SLC41A2: variants seen among roughly 807,000 people sequenced by gnomAD.
The protein encoded by SLC41A2 is solute carrier family 41 member 2.
Under a neutral mutation model 58.3 loss-of-function variants are expected in SLC41A2, and 32 were observed. The ratio of observed to expected loss-of-function variants is 0.55; its 90% CI spans 0.41 to 0.74. The LOEUF (loss-of-function observed/expected upper bound fraction) is 0.74. Ranked by LOEUF, SLC41A2 falls within the 30% of genes least tolerant of loss-of-function variation. The pLI is 0.00. For missense variants in SLC41A2, 514 were observed against 680.6 expected (o/e 0.76, Z 2.72); for synonymous variants, 190 against 235.0 (o/e 0.81, Z 1.75).
At chr12:104,913,345 C>T (rs190480172) in intron 2 of SLC41A2, among the ~76,000 whole-genome samples, 1 of 152,272 alleles carries the variant, frequency 6.6e-6, no homozygotes, top group Admixed American at 6.5e-5. Context: ...TGCCATTAGG[C>T]TTTCTTCCCT....
chr12:104,928,963 G>A (rs772930762), intron 1 of SLC41A2, among the ~76,000 whole-genome samples: 11 of 152,112 alleles, frequency 7.2e-5, no homozygotes, highest in Non-Finnish European at 1.3e-4. Flanking sequence ...CAATATCCAC[G>A]TAAGGTCTTC....
chr12:104,910,585 C>T (rs564145786), intron 2 of SLC41A2, among the ~76,000 whole-genome samples: 2 of 152,140 alleles, frequency 1.3e-5, no homozygotes, highest in African/African-American at 2.4e-5. Context: ...TAAAATCTAG[C>T]TTAGGCCATA....
chr12:104,847,853 GA>G (rs2042664133), intron 8 of SLC41A2, among the ~76,000 whole-genome samples: 1 of 152,076 alleles, frequency 6.6e-6, no homozygotes, highest in African/African-American at 2.4e-5. Context: ...ACATTGATGA[GA>G]AAAAAGTTGG....
At position 104,885,525 on chromosome 12, in the gene SLC41A2, C is replaced by T. The variant is rs1323880417; in HGVS notation, c.1027+768G>A. Among the ~76,000 whole-genome samples, 4 of 152,158 alleles carry T rather than the reference C, an allele frequency of 2.6e-5. No individual in the cohort carries two copies. In the East Asian group the frequency reaches 7.7e-4, roughly 29 times the overall value. ...TTTGTGAATAAATGTTTGCCTCTGGCTTGGCTTATATACTCATGTTTTTTT... is the reference window on the plus strand; with the variant it reads ...TTTGTGAATAAATGTTTGCCTCTGGTTTGGCTTATATACTCATGTTTTTTT... On this transcript the variant is annotated intron_variant, in intron 6 of 10. Transcript: ENST00000258538.
chr12:104,907,886 C>T (rs1192473220), intron 3 of SLC41A2, among the ~76,000 whole-genome samples: 1 of 152,160 alleles, frequency 6.6e-6, no homozygotes, highest in Non-Finnish European at 1.5e-5. Context: ...TTGTCCTCTG[C>T]AGATATAGCT....
chr12:104,911,769 C>T (rs2046096930), intron 2 of SLC41A2, among the ~76,000 whole-genome samples: 1 of 152,088 alleles, frequency 6.6e-6, no homozygotes, highest in Non-Finnish European at 1.5e-5. Flanking sequence ...CAAGGGAAAT[C>T]CCTCTAATTG....
At chr12:104,848,596 G>A (rs1565837976) in intron 8 of SLC41A2, among the ~76,000 whole-genome samples, 1 of 152,020 alleles carries the variant, frequency 6.6e-6, no homozygotes, top group Non-Finnish European at 1.5e-5. Flanking sequence ...CATCACTACA[G>A]TGCATGCATT....
intron 3 of SLC41A2, among the ~76,000 whole-genome samples, chr12:104,903,935 A>G (rs1388780678): frequency 1.3e-5 from 2 of 152,356 alleles, no homozygotes; most frequent in East Asian, 3.9e-4. Flanking sequence ...ATGGACACAT[A>G]CATATAACCA....
intron 5 of SLC41A2, among the ~76,000 whole-genome samples, chr12:104,888,431 T>A (rs2044778765): frequency 6.6e-6 from 1 of 152,090 alleles, no homozygotes; most frequent in Middle Eastern, 3.2e-3. Context: ...GATTCCACAA[T>A]AAGCTAATTC....
At chr12:104,945,856 C>T (rs1481729745) in intron 1 of SLC41A2, among the ~76,000 whole-genome samples, 3 of 152,180 alleles carry the variant, frequency 2.0e-5, no homozygotes, top group Non-Finnish European at 4.4e-5. Context: ...GGGTTACACA[C>T]TTGTGAATAA....
chr12:104,832,521 T>A (rs1301006544), intron 10 of SLC41A2, among the ~76,000 whole-genome samples: 2 of 152,134 alleles, frequency 1.3e-5, no homozygotes, highest in African/African-American at 4.8e-5. Flanking sequence ...AAATTGTCCA[T>A]GAAGATTTAC....
At chr12:104,853,911 A>ATTATTATTATTATTTTTTTTTTTTTT in intron 8 of SLC41A2, among the ~76,000 whole-genome samples, 3 of 59,498 alleles carry the variant, frequency 5.0e-5, no homozygotes, top group African/African-American at 6.9e-5. Context: ...TGCCTGGCTG[A>ATTATTATTATTATTTTTTTTTTTTTT]TTTTTTTTTT....
chr12:104,888,941 A>G (rs1445284841), intron 5 of SLC41A2, 92 bp downstream of exon 5: 3 of 1,271,182 alleles, frequency 2.4e-6, no homozygotes, highest in African/African-American at 3.1e-5. Flanking sequence ...TTGTTTTCAT[A>G]ACAGGTATCA....
At chr12:104,892,285 G>A (rs1190149856) in intron 4 of SLC41A2, among the ~76,000 whole-genome samples, 2 of 131,352 alleles carry the variant, frequency 1.5e-5, no homozygotes, top group African/African-American at 3.4e-5. Flanking sequence ...AACAGAACAA[G>A]ACCTCATCTC....
chr12:104,845,615 T>G (rs1458686845), intron 9 of SLC41A2, among the ~76,000 whole-genome samples: 1 of 152,114 alleles, frequency 6.6e-6, no homozygotes, highest in Non-Finnish European at 1.5e-5. Context: ...CTTTCACAAC[T>G]AATAAGCAAG....
At chr12:104,849,339 T>C (rs978979092) in intron 8 of SLC41A2, among the ~76,000 whole-genome samples, 13 of 152,138 alleles carry the variant, frequency 8.5e-5, no homozygotes, top group African/African-American at 3.1e-4. Context: ...ATCCTACATG[T>C]AGAGAGAATC....
At chr12:104,835,586 C>G (rs2042181150) in intron 10 of SLC41A2, among the ~76,000 whole-genome samples, 1 of 152,144 alleles carries the variant, frequency 6.6e-6, no homozygotes. Context: ...CATAGAAAAA[C>G]CTCTCCCACT....
At chr12:104,844,841 G>A (rs944736013) in intron 9 of SLC41A2, among the ~76,000 whole-genome samples, 4 of 152,100 alleles carry the variant, frequency 2.6e-5, no homozygotes, top group African/African-American at 9.7e-5. Context: ...ATAAAAACTT[G>A]CTATGAAGAA....
chr12:104,892,057 C>T (rs12372069), intron 4 of SLC41A2, among the ~76,000 whole-genome samples: 11,373 of 151,886 alleles, frequency 0.075, 482 homozygotes, highest in Middle Eastern at 0.11. Context: ...CCCAGTACTT[C>T]GGGAGGCTGA....
Sources: allele counts gnomAD v4.1 joint callset (sites outside exome capture counted in the v4.1 genomes callset), GRCh38; gene constraint gnomAD v4.1.1; transcripts MANE v1.5; gene names NCBI Gene and HGNC (gene_info 2026-07-23, HGNC 2026-07-21).